EPHA5: variants seen among roughly 807,000 people sequenced by gnomAD.
The protein encoded by EPHA5 is ephrin type-A receptor 5.
EPHA5 carries 60 observed loss-of-function variants against 105.0 expected under a neutral mutation model. The observed-to-expected ratio is 0.57, with a 90% CI of 0.46 to 0.71. The LOEUF is 0.71. Among genes scored for constraint, EPHA5 ranks in the 30% least tolerant of loss-of-function variants. The probability of loss-of-function intolerance (pLI) is 0.00; values close to 1 mark genes in which losing one functional copy is unlikely to be tolerated. For missense variants in EPHA5, 1,218 were observed against 1,274.7 expected (o/e 0.96, Z 0.68); for synonymous variants, 513 against 449.1 (o/e 1.14, Z -1.80).
At position 65,557,883 on chromosome 4, in the gene EPHA5, C is replaced by CT. The variant is rs778404246; in HGVS notation, c.910+43757dup. Among the ~76,000 whole-genome samples the CT allele has an allele frequency of 2.5e-3, 356 of 143,596 alleles. 2 individuals are homozygous for CT. The highest frequency in any genetic ancestry group is 6.4e-3 in the African/African-American group (250 of 39,276). The allele number at this position is 143,596 out of a possible 152,430, so 94.2% of individuals were successfully genotyped here. A position where few individuals can be genotyped will look rare whatever the true frequency, so the allele number is the denominator to read the frequency against. ...ATTCTGTGGATTCCAAGGTAAAATTCTTTTTTTTTTTTTAGACGGAGTCTA... is the reference window on the plus strand; with the variant it reads ...ATTCTGTGGATTCCAAGGTAAAATTCTTTTTTTTTTTTTTAGACGGAGTCTA... On this transcript the variant is annotated intron_variant, in intron 3 of 16. Coordinates refer to ENST00000613740, the MANE Select transcript of EPHA5 (RefSeq NM_001281766.3).
At chr4:65,522,533 T>C (rs923711383) in intron 3 of EPHA5, among the ~76,000 whole-genome samples, 1 of 151,910 alleles carries the variant, frequency 6.6e-6, no homozygotes, top group Non-Finnish European at 1.5e-5. Context: ...TGATTGCTTA[T>C]TAACATATAA....
intron 3 of EPHA5, among the ~76,000 whole-genome samples, chr4:65,560,672 T>C (rs539973692): frequency 2.0e-5 from 3 of 152,204 alleles, no homozygotes. Context: ...AAAGTTGCAT[T>C]TTAAGTCACT....
chr4:65,494,468 T>C (rs932093926), intron 4 of EPHA5, among the ~76,000 whole-genome samples: 6 of 152,178 alleles, frequency 3.9e-5, no homozygotes, highest in Non-Finnish European at 8.8e-5. Flanking sequence ...TCACTTCCCT[T>C]CTCTTTAATT....
intron 3 of EPHA5, among the ~76,000 whole-genome samples, chr4:65,522,456 C>G (rs1034965326): frequency 6.6e-6 from 1 of 151,678 alleles, no homozygotes; most frequent in African/African-American, 2.4e-5. Context: ...AAAAAGCAAT[C>G]CTGACCCTTC....
chr4:65,479,466 G>C (rs1730144746), intron 5 of EPHA5, among the ~76,000 whole-genome samples: 2 of 152,034 alleles, frequency 1.3e-5, no homozygotes, highest in Admixed American at 1.3e-4. Context: ...CACATTTCTT[G>C]GTGAAAAAAA....
chr4:65,613,882 G>C (rs1185570898), intron 2 of EPHA5, among the ~76,000 whole-genome samples: 1 of 151,892 alleles, frequency 6.6e-6, no homozygotes, highest in Non-Finnish European at 1.5e-5. Flanking sequence ...GACCATAGAA[G>C]TTTACAATAG....
intron 5 of EPHA5, among the ~76,000 whole-genome samples, chr4:65,441,079 G>T (rs61068659): frequency 0.011 from 1,648 of 151,908 alleles, 29 homozygotes; most frequent in African/African-American, 0.038. Flanking sequence ...ATAGACAAAA[G>T]GTTAACAATT....
At chr4:65,490,799 A>C in intron 4 of EPHA5, 87 bp from the exon 5 acceptor site, 1 of 1,345,020 alleles carries the variant, frequency 7.4e-7, no homozygotes, top group Non-Finnish European at 1.0e-6. Context: ...GGTCTGAAGG[A>C]AAAAATAGAT....
intron 3 of EPHA5, among the ~76,000 whole-genome samples, chr4:65,590,279 T>A (rs1047904520): frequency 7.9e-5 from 12 of 152,180 alleles, no homozygotes; most frequent in African/African-American, 2.7e-4. Context: ...CAAATCACTT[T>A]GGTTCTTACA....
intron 5 of EPHA5, among the ~76,000 whole-genome samples, chr4:65,431,769 T>A (rs1446896640): frequency 6.6e-6 from 1 of 152,144 alleles, no homozygotes; most frequent in African/African-American, 2.4e-5. Context: ...GAAAGTTAGA[T>A]CATTCCTCTG....
chr4:65,656,781 A>G (rs956141217), intron 1 of EPHA5, among the ~76,000 whole-genome samples: 17 of 150,980 alleles, frequency 1.1e-4, no homozygotes. Flanking sequence ...TGTCCGGCTA[A>G]TTTTTTGTAT....
At chr4:65,379,068 T>C (rs927674407) in intron 8 of EPHA5, among the ~76,000 whole-genome samples, 2 of 151,860 alleles carry the variant, frequency 1.3e-5, no homozygotes, top group Non-Finnish European at 2.9e-5. Context: ...TAGTTGAAAG[T>C]GTGCACAGTT....
chr4:65,475,170 G>A (rs1248661391), intron 5 of EPHA5, among the ~76,000 whole-genome samples: 1 of 152,012 alleles, frequency 6.6e-6, no homozygotes, highest in African/African-American at 2.4e-5. Context: ...TATTTTATTA[G>A]CCTTTATTAT....
At chr4:65,557,233 GATATAT>G (rs61008833) in intron 3 of EPHA5, among the ~76,000 whole-genome samples, 17 of 90,924 alleles carry the variant, frequency 1.9e-4, no homozygotes, top group East Asian at 1.1e-3. Flanking sequence ...TTTATACTGG[GATATAT>G]ATATATATAT....
intron 5 of EPHA5, among the ~76,000 whole-genome samples, chr4:65,477,999 C>A (rs1050801609): frequency 6.6e-6 from 1 of 152,112 alleles, no homozygotes; most frequent in African/African-American, 2.4e-5. Context: ...TAAAAATATT[C>A]TATCCCAACC....
chr4:65,494,980 G>A (rs1168538656), intron 4 of EPHA5, among the ~76,000 whole-genome samples: 3 of 115,464 alleles, frequency 2.6e-5, no homozygotes, highest in East Asian at 5.4e-4. Flanking sequence ...AGGAGGAGGA[G>A]GAAGAGGAAG....
At chr4:65,477,985 C>T (rs1487960131) in intron 5 of EPHA5, among the ~76,000 whole-genome samples, 2 of 152,114 alleles carry the variant, frequency 1.3e-5, no homozygotes, top group Non-Finnish European at 2.9e-5. Flanking sequence ...ATTTTGATGA[C>T]TTCTAAAAAT....
At chr4:65,496,067 T>C (rs866189574) in intron 3 of EPHA5, among the ~76,000 whole-genome samples, 5 of 152,176 alleles carry the variant, frequency 3.3e-5, no homozygotes, top group Non-Finnish European at 7.4e-5. Flanking sequence ...TCAACTGTAT[T>C]ATTTTTATTT....
intron 2 of EPHA5, among the ~76,000 whole-genome samples, chr4:65,618,507 T>G (rs1745438099): frequency 6.6e-6 from 1 of 152,166 alleles, no homozygotes; most frequent in Admixed American, 6.5e-5. Flanking sequence ...CACAAGAATT[T>G]AGAGCCATGT....
Sources: gnomAD v4.1 joint callset for allele counts (sites outside exome capture counted in the v4.1 genomes callset) on GRCh38, gnomAD v4.1.1 for gene constraint, MANE v1.5 for transcripts, NCBI Gene and HGNC (gene_info 2026-07-23, HGNC 2026-07-21) for gene names.